RAB3B: variants seen among roughly 807,000 people sequenced by gnomAD.
The protein encoded by RAB3B is RAB3B, member RAS oncogene family.
A neutral mutation model predicts 20.5 loss-of-function variants in RAB3B; 11 were observed. The observed-to-expected ratio is 0.54, with a 90% CI of 0.34 to 0.89. The LOEUF (loss-of-function observed/expected upper bound fraction) is 0.89, where lower values mean the gene tolerates loss of function less well. Ranked by LOEUF, RAB3B falls within the 40% of genes least tolerant of loss-of-function variation. The probability of loss-of-function intolerance (pLI) is 0.02; values close to 1 mark genes in which losing one functional copy is unlikely to be tolerated. For synonymous variants in RAB3B, 99 were observed against 106.3 expected (o/e 0.93, Z 0.42); for missense variants, 225 against 280.9 (o/e 0.80, Z 1.42).
chr1:51,959,291 A>C (rs569320033), intron 2 of RAB3B, among the ~76,000 whole-genome samples: 2 of 152,224 alleles, frequency 1.3e-5, no homozygotes, highest in East Asian at 3.9e-4. Context: ...AGGCCTCGGC[A>C]GGAGGATCAC....
At position 51,962,864 on chromosome 1, in the gene RAB3B, G is replaced by A. The variant is rs1004155607; in HGVS notation, c.228+14026C>T. On this transcript the variant is annotated intron_variant, in intron 2 of 4. Coordinates refer to ENST00000371655, the MANE Select transcript of RAB3B (RefSeq NM_002867.4). ...CCTCTCTCATCACCCTTGAATCAGC[G>A]GGCTGGAGGTGGGATAGATGTTGTT... Among the ~76,000 whole-genome samples, 8 of 151,988 alleles carry A rather than the reference G, an allele frequency of 5.3e-5. No individual in the cohort carries two copies. In the East Asian group the frequency reaches 1.2e-3, roughly 22 times the overall value.
At chr1:51,939,275 A>C (rs1684456695) in intron 2 of RAB3B, among the ~76,000 whole-genome samples, 1 of 152,222 alleles carries the variant, frequency 6.6e-6, no homozygotes, top group Admixed American at 6.5e-5. Context: ...ATATTACCTC[A>C]TTTAAATTCT....
At chr1:51,981,852 T>G (rs1685093087) in intron 1 of RAB3B, among the ~76,000 whole-genome samples, 1 of 152,236 alleles carries the variant, frequency 6.6e-6, no homozygotes, top group Non-Finnish European at 1.5e-5. Context: ...GCATTGCCAG[T>G]TGTATAAAAG....
rs1684006245 is a variant in RAB3B, at chr1:51,912,107, TC to T, written c.*7819del. 6.7e-6 allele frequency: 1 copy of T among 149,072 alleles called. No homozygotes were observed. The highest frequency in any genetic ancestry group is 2.5e-5 in the African/African-American group (1 of 40,496). 9.2% of individuals were successfully genotyped at this position (149,072 alleles called of 1,614,324 possible). On this transcript the variant is annotated 3_prime_UTR_variant, in exon 5 of 5. Coordinates refer to ENST00000371655, the MANE Select transcript of RAB3B (RefSeq NM_002867.4). ...ATTTCTTTCCTTTTCTTCTTTTTTT[TC>T]TTTCTTTCTTTCTTTTTTTTTTTTT...
intron 4 of RAB3B, among the ~76,000 whole-genome samples, chr1:51,929,321 A>G (rs188936548): frequency 1.3e-5 from 2 of 151,264 alleles, no homozygotes; most frequent in East Asian, 2.0e-4. Flanking sequence ...GAGCTAATAC[A>G]TTCTCTCCCT....
At chr1:51,930,177 C>T (rs1295881557) in intron 4 of RAB3B, among the ~76,000 whole-genome samples, 1 of 152,154 alleles carries the variant, frequency 6.6e-6, no homozygotes, top group Non-Finnish European at 1.5e-5. Flanking sequence ...GATTTAATCT[C>T]AGGTGTTCTA....
intron 1 of RAB3B, among the ~76,000 whole-genome samples, chr1:51,986,213 C>T (rs1043841408): frequency 6.1e-5 from 9 of 147,600 alleles, no homozygotes; most frequent in East Asian, 2.0e-4. Flanking sequence ...GGCAGTGGCG[C>T]GATCTCAGCT....
At chr1:51,961,056 T>C (rs1684777515) in intron 2 of RAB3B, among the ~76,000 whole-genome samples, 1 of 152,216 alleles carries the variant, frequency 6.6e-6, no homozygotes, top group South Asian at 2.1e-4. Flanking sequence ...ACATTACTTA[T>C]CACACTGCTG....
intron 1 of RAB3B, among the ~76,000 whole-genome samples, chr1:51,979,000 C>T (rs754326348): frequency 6.6e-6 from 1 of 152,204 alleles, no homozygotes; most frequent in Non-Finnish European, 1.5e-5. Flanking sequence ...GTTCTTCCTT[C>T]CCTTTGTTCC....
chr1:51,980,811 G>C, intron 1 of RAB3B: 1 of 745,794 alleles, frequency 1.3e-6, no homozygotes, highest in Non-Finnish European at 2.5e-6. Context: ...CCCCACCAAA[G>C]CCCATGTAAG....
intron 2 of RAB3B, among the ~76,000 whole-genome samples, chr1:51,961,657 C>T (rs1445478782): frequency 6.6e-6 from 1 of 151,998 alleles, no homozygotes; most frequent in Non-Finnish European, 1.5e-5. Context: ...TAATTGCTGC[C>T]CAAAAATTGT....
In RAB3B at chr1:51,916,315, G is replaced by A. The variant is rs2124222404; in HGVS notation, c.*3612C>T. Reference sequence around the variant, plus strand: ...CTTGTTCCCTTGAACTGGCTCCTGAGTTTTACAGAATTTGACAGTTTTAAA... The same window carrying A: ...CTTGTTCCCTTGAACTGGCTCCTGAATTTTACAGAATTTGACAGTTTTAAA... On this transcript the variant is annotated 3_prime_UTR_variant, in exon 5 of 5. Transcript: ENST00000371655. 6.6e-6 allele frequency: 1 copy of A among 152,300 alleles called. No homozygotes were observed. The highest frequency in any genetic ancestry group is 6.5e-5 in the Admixed American group (1 of 15,306). 9.4% of individuals were successfully genotyped at this position (152,300 alleles called of 1,614,324 possible).
intron 1 of RAB3B, among the ~76,000 whole-genome samples, chr1:51,979,195 C>T (rs1001377244): frequency 1.3e-5 from 2 of 151,812 alleles, no homozygotes. Context: ...TGTCTCACAG[C>T]CTTAACTTTT....
intron 1 of RAB3B, among the ~76,000 whole-genome samples, chr1:51,982,502 C>T (rs1685100615): frequency 6.6e-6 from 1 of 152,092 alleles, no homozygotes; most frequent in African/African-American, 2.4e-5. Flanking sequence ...ACCTGTAACC[C>T]CAGACTTTGG....
Position 51,920,002 on chromosome 1 carries a change from C to T in RAB3B, c.585G>A (p.Pro195=), listed in dbSNP as rs780152564. The change falls in exon 5 of 5, where the codon CCG becomes CCA. Residue 195 remains proline (P), a synonymous_variant. Coordinates refer to ENST00000371655, the MANE Select transcript of RAB3B (RefSeq NM_002867.4). ...TGTTCTTGGAGGAGCCCAGCATCGA[C>T]GGGTCTGTGTCCAGCGAATCAGACA... ...DKMSDSLDTD[P]SMLGSSKNTR... The T allele has an allele frequency of 3.3e-5, 53 of 1,613,992 alleles. No homozygotes were observed. The highest frequency in any genetic ancestry group is 5.0e-5 in the Admixed American group (3 of 59,988).
At chr1:51,965,646 CAA>C (rs68111431) in intron 2 of RAB3B, among the ~76,000 whole-genome samples, 27 of 115,352 alleles carry the variant, frequency 2.3e-4, no homozygotes, top group Admixed American at 3.6e-4. Flanking sequence ...GGCTCCATCT[CAA>C]AAAAAAAAAA....
At chr1:51,929,073 C>T (rs1684287204) in intron 4 of RAB3B, among the ~76,000 whole-genome samples, 1 of 152,214 alleles carries the variant, frequency 6.6e-6, no homozygotes, top group African/African-American at 2.4e-5. Context: ...CTCCCCCAGC[C>T]ACTGGGATGG....
intron 4 of RAB3B, among the ~76,000 whole-genome samples, chr1:51,931,271 G>T (rs12566236): frequency 0.62 from 93,535 of 151,720 alleles, 29,218 homozygotes; most frequent in East Asian, 0.89. Flanking sequence ...CTTCTTCACT[G>T]GACTGGTCCT....
At chr1:51,974,027 G>A (rs761578557) in intron 2 of RAB3B, among the ~76,000 whole-genome samples, 29 of 152,246 alleles carry the variant, frequency 1.9e-4, no homozygotes, top group Admixed American at 5.2e-4. Context: ...TCCTCTGACC[G>A]ATGACAAGAA....
Sources: gnomAD v4.1 joint callset for allele counts (sites outside exome capture counted in the v4.1 genomes callset) on GRCh38, gnomAD v4.1.1 for gene constraint, MANE v1.5 for transcripts, NCBI Gene and HGNC (gene_info 2026-07-23, HGNC 2026-07-21) for gene names.